Variants in ZC2HC1B observed in about 807,000 individuals in gnomAD.
ZC2HC1B encodes the protein zinc finger C2HC domain-containing protein 1B.
In ZC2HC1B, 36 loss-of-function variants were observed where a neutral mutation model predicts 31.0. The observed-to-expected ratio is 1.16, with a 90% CI of 0.89 to 1.54. The LOEUF (loss-of-function observed/expected upper bound fraction) is 1.54. ZC2HC1B is among the 40% of genes most tolerant of loss of function. The pLI is 0.00. For missense variants in ZC2HC1B, 260 were observed against 268.6 expected (o/e 0.97, Z 0.22); for synonymous variants, 73 against 88.0 (o/e 0.83, Z 0.95).
rs368735542 is a variant in ZC2HC1B, at chr6:143,902,421, C to T, written c.490-623C>T. ...TGCCTCCTATAGTCTCTCAGCCATT[C>T]TTGCCCAAGTGAGAATTCTCACTTG... On this transcript the variant is annotated intron_variant, in intron 5 of 7. Coordinates refer to ENST00000237275, the MANE Select transcript of ZC2HC1B (RefSeq NM_001013623.3). Among the ~76,000 whole-genome samples the T allele has an allele frequency of 2.0e-5, 3 of 152,170 alleles. No homozygotes were observed. The East Asian group carries it at 5.8e-4, about 29-fold the overall frequency.
At position 143,908,097 on chromosome 6, in the gene ZC2HC1B, A is replaced by T. The variant is rs1362061190; in HGVS notation, c.598+4945A>T. On this transcript the variant is annotated intron_variant, in intron 6 of 7. Transcript: ENST00000237275. This position sits in a 1 kb window ranked among gnomAD's most constrained non-coding sequence, Gnocchi z 4.4. ...AAGATCAGATGGTTTTAGGTGTGCA[A>T]TCTTATTTCTGGGTTCTCTATTCTG... 6.6e-6 allele frequency among the ~76,000 whole-genome samples: 1 copy of T among 151,864 alleles called. No individual in the cohort carries two copies.
In ZC2HC1B at chr6:143,871,029, G is replaced by A. The variant is rs1220467940; in HGVS notation, c.28+6462G>A. 6.6e-6 allele frequency among the ~76,000 whole-genome samples: 1 copy of A among 152,016 alleles called. No homozygotes were observed. The highest frequency in any genetic ancestry group is 6.6e-5 in the Admixed American group (1 of 15,262). On this transcript the variant is annotated intron_variant, in intron 1 of 7. Coordinates refer to ENST00000237275, the MANE Select transcript of ZC2HC1B (RefSeq NM_001013623.3). This position sits in a 1 kb window ranked among gnomAD's most constrained non-coding sequence, Gnocchi z 4.1. ...AATCCAAATAGATCCACTAGACATT[G>A]TGCCTCTTTCTTGGTGGTAGGAGGG...
chr6:143,881,499 C>T (rs1250753464), intron 1 of ZC2HC1B, among the ~76,000 whole-genome samples: 2 of 137,612 alleles, frequency 1.5e-5, no homozygotes, highest in South Asian at 2.2e-4. Context: ...TGTAATGAGC[C>T]GTGATCATCC....
At chr6:143,907,320 T>C (rs944631347) in intron 6 of ZC2HC1B, among the ~76,000 whole-genome samples, 6 of 152,254 alleles carry the variant, frequency 3.9e-5, no homozygotes, top group Non-Finnish European at 7.3e-5. Flanking sequence ...CTGGGTCAAA[T>C]GGTATTTCTG....
rs1778198493 is a variant in ZC2HC1B, at chr6:143,938,015, A to G, written c.*15-127A>G. The G allele has an allele frequency of 4.5e-6, 1 of 222,848 alleles. No individual in the cohort carries two copies. Among genetic ancestry groups the G allele is most frequent in the Non-Finnish European group, 8.8e-6 (1 of 114,044 alleles). 13.8% of individuals were successfully genotyped at this position (222,848 alleles called of 1,614,324 possible). ...TTCTAAGCACCTTACCCTCACAAAG[A>G]ATAGTTCCCTGAGGGTGTGAATTGT... On this transcript the variant is annotated intron_variant, in intron 7 of 7. Coordinates refer to ENST00000237275, the MANE Select transcript of ZC2HC1B (RefSeq NM_001013623.3). The surrounding 1 kb of genome is among the most constrained non-coding windows in gnomAD (Gnocchi z 4.2).
At chr6:143,912,887 A>G (rs940891386) in intron 6 of ZC2HC1B, among the ~76,000 whole-genome samples, 23 of 152,176 alleles carry the variant, frequency 1.5e-4, no homozygotes, top group African/African-American at 5.5e-4. Flanking sequence ...CCCTTCAGGC[A>G]CTTTGTCCCA....
intron 6 of ZC2HC1B, among the ~76,000 whole-genome samples, chr6:143,912,526 G>A (rs1777872174): frequency 2.0e-5 from 3 of 152,130 alleles, no homozygotes; most frequent in Admixed American, 1.3e-4. Flanking sequence ...TTTGCTGGGG[G>A]TCCACTCTAA....
In ZC2HC1B at chr6:143,886,546, A is replaced by C; in HGVS notation, c.211-137A>C. The C allele has an allele frequency of 1.2e-6, 1 of 864,460 alleles. No individual in the cohort carries two copies. Among genetic ancestry groups the C allele is most frequent in the Non-Finnish European group, 1.6e-6 (1 of 625,400 alleles). The allele number at this position is 864,460 out of a possible 1,614,324, so 53.5% of individuals were successfully genotyped here. A position where few individuals can be genotyped will look rare whatever the true frequency, so the allele number is the denominator to read the frequency against. The stretch of plus-strand genomic sequence containing the variant: ...TACTTTCCAAACCTCTTTAAGGAGT[A>C]CTTTTGAAAAACAAACTCTCCTTTT... On this transcript the variant is annotated intron_variant, in intron 3 of 7. Transcript: ENST00000237275. This position sits in a 1 kb window ranked among gnomAD's most constrained non-coding sequence, Gnocchi z 4.2.
intron 1 of ZC2HC1B, among the ~76,000 whole-genome samples, chr6:143,880,281 AAG>A (rs1777453011): frequency 1.3e-5 from 2 of 152,336 alleles, no homozygotes; most frequent in South Asian, 4.1e-4. Flanking sequence ...AGAGAGGAAA[AAG>A]AAATCTCTGA....
At chr6:143,936,847 C>T (rs887240783) in intron 6 of ZC2HC1B, among the ~76,000 whole-genome samples, 1 of 152,172 alleles carries the variant, frequency 6.6e-6, no homozygotes, top group African/African-American at 2.4e-5. Context: ...GTGTAGCAAA[C>T]CTGTTGAGCA....
intron 1 of ZC2HC1B, among the ~76,000 whole-genome samples, chr6:143,881,368 T>G (rs932475997): frequency 6.6e-6 from 1 of 151,726 alleles, no homozygotes; most frequent in African/African-American, 2.4e-5. Flanking sequence ...CTAAGCAATA[T>G]AGTGAGACCC....
chr6:143,932,487 T>C (rs572840216), intron 6 of ZC2HC1B, among the ~76,000 whole-genome samples: 23 of 152,346 alleles, frequency 1.5e-4, no homozygotes, highest in African/African-American at 5.3e-4. Context: ...TCTAAGTGTG[T>C]CTTTCATTTC....
At position 143,908,609 on chromosome 6, in the gene ZC2HC1B, T is replaced by G. The variant is rs1304405305; in HGVS notation, c.598+5457T>G. Among the ~76,000 whole-genome samples the G allele has an allele frequency of 6.6e-6, 1 of 152,200 alleles. No individual in the cohort carries two copies. The highest frequency in any genetic ancestry group is 1.5e-5 in the Non-Finnish European group (1 of 68,028). On this transcript the variant is annotated intron_variant, in intron 6 of 7. Coordinates refer to ENST00000237275, the MANE Select transcript of ZC2HC1B (RefSeq NM_001013623.3). The surrounding 1 kb of genome is among the most constrained non-coding windows in gnomAD (Gnocchi z 4.4). ...TGTTTGTGTATAGGAATGCTAGCAATTTTTGCACATTGATTTTGTATTTTG... is the reference window on the plus strand; with the variant it reads ...TGTTTGTGTATAGGAATGCTAGCAAGTTTTGCACATTGATTTTGTATTTTG...
rs1339096855 is a variant in ZC2HC1B, at chr6:143,885,259, C to A, written c.91-773C>A. Among the ~76,000 whole-genome samples, 1 of 152,128 alleles carries A rather than the reference C, an allele frequency of 6.6e-6. No individual in the cohort carries two copies. The highest frequency in any genetic ancestry group is 1.9e-4 in the East Asian group (1 of 5,186). On this transcript the variant is annotated intron_variant, in intron 2 of 7. Coordinates refer to ENST00000237275, the MANE Select transcript of ZC2HC1B (RefSeq NM_001013623.3). This position sits in a 1 kb window ranked among gnomAD's most constrained non-coding sequence, Gnocchi z 4.2. ...TAACTGTGGTTAGAGCCTCCTGAAA[C>A]TAGAGGGAGAGCTTGCGGGGCTGGT...
At chr6:143,882,962 T>G (rs1777487172) in intron 1 of ZC2HC1B, among the ~76,000 whole-genome samples, 1 of 152,156 alleles carries the variant, frequency 6.6e-6, no homozygotes, top group African/African-American at 2.4e-5. Context: ...CCCACAAATC[T>G]AATCAGGCTG....
rs961154897 is a variant in ZC2HC1B at position 143,886,644 on chromosome 6, A to G, written c.211-39A>G. 1.8e-5 allele frequency: 27 copies of G among 1,475,238 alleles called. No homozygotes were observed. Among genetic ancestry groups the G allele is most frequent in the Non-Finnish European group, 2.3e-5 (26 of 1,113,044 alleles). The allele number at this position is 1,475,238 out of a possible 1,614,324, so 91.4% of individuals were successfully genotyped here. On this transcript the variant is annotated intron_variant, in intron 3 of 7. Coordinates refer to ENST00000237275, the MANE Select transcript of ZC2HC1B (RefSeq NM_001013623.3). This position sits in a 1 kb window ranked among gnomAD's most constrained non-coding sequence, Gnocchi z 4.2. The stretch of plus-strand genomic sequence containing the variant: ...AAACAAAATTGTAATGGAGAGGTAT[A>G]TAGTCTAGGGTATTATTTGTTGGTT...
At chr6:143,882,334 T>TTATATATATATATATATATATATA (rs59777839) in intron 1 of ZC2HC1B, among the ~76,000 whole-genome samples, 8 of 85,528 alleles carry the variant, frequency 9.4e-5, no homozygotes, top group African/African-American at 3.8e-4. Flanking sequence ...TTTATATTTT[T>TTATATATATATATATATATATATA]TATATATATA....
At position 143,934,742 on chromosome 6, in the gene ZC2HC1B, CTTAAACTGCAGTTG is replaced by C. The variant is rs1778157013; in HGVS notation, c.599-2903_599-2890del. Among the ~76,000 whole-genome samples the C allele has an allele frequency of 6.6e-6, 1 of 152,144 alleles. No individual in the cohort carries two copies. The highest frequency in any genetic ancestry group is 1.9e-4 in the East Asian group (1 of 5,202). On this transcript the variant is annotated intron_variant, in intron 6 of 7. Coordinates refer to ENST00000237275, the MANE Select transcript of ZC2HC1B (RefSeq NM_001013623.3). The surrounding 1 kb of genome is among the most constrained non-coding windows in gnomAD (Gnocchi z 4.6). ...GTGGTGTCTATGAATTCCTTAGTGA[CTTAAACTGCAGTTG>C]TTATTGGAAGCTGTGGTGAGGCTTT...
Position 143,868,307 on chromosome 6 carries a change from T to A in ZC2HC1B, c.28+3740T>A, listed in dbSNP as rs1777293437. Among the ~76,000 whole-genome samples, 1 of 152,084 alleles carries A rather than the reference T, an allele frequency of 6.6e-6. No individual in the cohort carries two copies. The highest frequency in any genetic ancestry group is 1.5e-5 in the Non-Finnish European group (1 of 68,034). The stretch of plus-strand genomic sequence containing the variant: ...GAATTTATTAAGTATTAACTCACAA[T>A]CACAAGGTCCCACAATAGGCCGTCT... On this transcript the variant is annotated intron_variant, in intron 1 of 7. Coordinates refer to ENST00000237275, the MANE Select transcript of ZC2HC1B (RefSeq NM_001013623.3). The surrounding 1 kb of genome is among the most constrained non-coding windows in gnomAD (Gnocchi z 4.2).
Sources: allele counts gnomAD v4.1 joint callset (sites outside exome capture counted in the v4.1 genomes callset), GRCh38; gene constraint gnomAD v4.1.1; non-coding constraint Gnocchi (gnomAD v3.1); transcripts MANE v1.5; gene names NCBI Gene and HGNC (gene_info 2026-07-23, HGNC 2026-07-21).